Variants in CNOT2 observed in about 807,000 individuals in gnomAD.
CNOT2 encodes CCR4-NOT transcription complex subunit 2.
CNOT2 carries 7 observed loss-of-function variants against 72.1 expected under a neutral mutation model. That is an observed-to-expected ratio of 0.10 (90% CI 0.06 to 0.18). The LOEUF (loss-of-function observed/expected upper bound fraction) is 0.18. Ranked by LOEUF, CNOT2 falls within the 10% of genes least tolerant of loss-of-function variation. The pLI is 1.00. For missense variants in CNOT2, 345 were observed against 660.3 expected (o/e 0.52, Z 5.23); for synonymous variants, 196 against 225.6 (o/e 0.87, Z 1.17).
intron 15 of CNOT2, among the ~76,000 whole-genome samples, chr12:70,353,355 G>A (rs531825377): frequency 2.5e-4 from 38 of 152,162 alleles, no homozygotes; most frequent in African/African-American, 8.7e-4. Flanking sequence ...GATTACAGAC[G>A]TGAGCCACTG....
intron 1 of CNOT2, among the ~76,000 whole-genome samples, chr12:70,262,043 G>A (rs1958795936): frequency 6.6e-6 from 1 of 151,894 alleles, no homozygotes; most frequent in Non-Finnish European, 1.5e-5. Context: ...ACCCTACAAA[G>A]TTGTAGTAAT....
At chr12:70,275,181 A>C (rs1385533423) in intron 1 of CNOT2, among the ~76,000 whole-genome samples, 1 of 152,080 alleles carries the variant, frequency 6.6e-6, no homozygotes, top group Admixed American at 6.6e-5. Flanking sequence ...TACTTTAAAT[A>C]TATTGAACCA....
At chr12:70,304,373 G>C (rs937333287) in intron 2 of CNOT2, among the ~76,000 whole-genome samples, 4 of 152,080 alleles carry the variant, frequency 2.6e-5, no homozygotes, top group Admixed American at 2.0e-4. Flanking sequence ...CGTACAGGTG[G>C]GTTTTTGGTG....
chr12:70,337,761 G>A, intron 9 of CNOT2: 1 of 523,344 alleles, frequency 1.9e-6, no homozygotes, highest in African/African-American at 1.9e-5. Flanking sequence ...TGTAGTCCCT[G>A]TCAGCTGGAT....
chr12:70,300,860 T>C (rs1002091851), intron 2 of CNOT2, among the ~76,000 whole-genome samples: 1 of 152,212 alleles, frequency 6.6e-6, no homozygotes, highest in Non-Finnish European at 1.5e-5. Context: ...GAGCATGGAA[T>C]GTTCTTCCAT....
intron 1 of CNOT2, among the ~76,000 whole-genome samples, chr12:70,253,656 T>G (rs1026174345): frequency 6.6e-5 from 10 of 152,216 alleles, no homozygotes; most frequent in Non-Finnish European, 1.3e-4. Flanking sequence ...TTTGATAATT[T>G]ATACCTCCCA....
chr12:70,338,373 T>A, intron 9 of CNOT2, 70 bp from the exon 10 acceptor site: 1 of 1,259,368 alleles, frequency 7.9e-7, no homozygotes, highest in Non-Finnish European at 1.1e-6. Context: ...AATAGCAAGG[T>A]ATTAATATGT....
At chr12:70,253,996 T>C (rs775600436) in intron 1 of CNOT2, among the ~76,000 whole-genome samples, 1 of 152,106 alleles carries the variant, frequency 6.6e-6, no homozygotes, top group Non-Finnish European at 1.5e-5. Flanking sequence ...CCCAACACTT[T>C]GGGAGACCAA....
At chr12:70,308,093 A>G (rs1875758933) in intron 2 of CNOT2, among the ~76,000 whole-genome samples, 1 of 152,084 alleles carries the variant, frequency 6.6e-6, no homozygotes, top group African/African-American at 2.4e-5. Context: ...GAGCCATACC[A>G]GTGAGGGGTT....
Position 70,315,520 on chromosome 12 carries a change from G to A in CNOT2, c.172-3778G>A, listed in dbSNP as rs1877185200. Among the ~76,000 whole-genome samples the A allele has an allele frequency of 2.6e-5, 4 of 151,914 alleles. No homozygotes were observed. In the South Asian group the frequency reaches 8.3e-4, roughly 32 times the overall value. ...AATATCATTTTTTAATTGCTGTCAT[G>A]GTCATGGAATTTTTATTTAACAAAA... On this transcript the variant is annotated intron_variant, in intron 3 of 15. Transcript: ENST00000229195.
At chr12:70,347,336 A>T (rs182688299) in intron 15 of CNOT2, among the ~76,000 whole-genome samples, 16 of 152,250 alleles carry the variant, frequency 1.1e-4, no homozygotes, top group African/African-American at 3.9e-4. Flanking sequence ...CCAAGATTTC[A>T]TATAAAACTC....
intron 2 of CNOT2, among the ~76,000 whole-genome samples, chr12:70,293,870 C>G (rs371678568): frequency 7.9e-6 from 1 of 127,252 alleles, no homozygotes. Flanking sequence ...TAAGCTCTGT[C>G]TTTGCATTTT....
chr12:70,277,981 C>T lies in CNOT2; in HGVS notation c.-95-151C>T, dbSNP rs74767160. Among the ~76,000 whole-genome samples the T allele has an allele frequency of 3.7e-3, 560 of 152,284 alleles. 5 individuals are homozygous for T. Among genetic ancestry groups the T allele is most frequent in the African/African-American group, 0.012 (512 of 41,556 alleles). On this transcript the variant is annotated intron_variant, in intron 1 of 15. Coordinates refer to ENST00000229195, the MANE Select transcript of CNOT2 (RefSeq NM_014515.7). ...TCTGTTGCAAATAAAGTATGCCAGT[C>T]TAGCCCGCGAAAATGGTTACGAGGA... is the stretch of plus-strand genomic sequence containing the variant.
chr12:70,341,429 G>C (rs1881494902), intron 11 of CNOT2, among the ~76,000 whole-genome samples: 2 of 152,046 alleles, frequency 1.3e-5, no homozygotes, highest in African/African-American at 2.4e-5. Context: ...CTTCAGATCT[G>C]ACCACCTTAA....
rs1242142273 is a variant in CNOT2 at position 70,279,958 on chromosome 12, TG to T, written c.48+1685del. On this transcript the variant is annotated intron_variant, in intron 2 of 15. Transcript: ENST00000229195. ...AATGCATTTTTGGTTATGGGTTTGC[TG>T]CCTCAAAATGTTTTCCCTTTTCTCT... 5.3e-5 allele frequency among the ~76,000 whole-genome samples: 8 copies of T among 152,194 alleles called. 1 individual carries two copies. The highest frequency in any genetic ancestry group is 1.2e-4 in the Non-Finnish European group (8 of 68,010).
At chr12:70,297,663 G>T in intron 2 of CNOT2, 2 of 242,736 alleles carry the variant, frequency 8.2e-6, no homozygotes, top group Non-Finnish European at 1.7e-5. Flanking sequence ...AGTTCTTTGG[G>T]AACATGGAAA....
At chr12:70,330,628 T>C in intron 6 of CNOT2, 159 bp downstream of exon 6, 1 of 452,276 alleles carries the variant, frequency 2.2e-6, no homozygotes, top group Non-Finnish European at 3.9e-6. Context: ...CACAAAACGA[T>C]ACGTTTTCTT....
chr12:70,250,254 C>T (rs1192731105), intron 1 of CNOT2, among the ~76,000 whole-genome samples: 5 of 152,154 alleles, frequency 3.3e-5, no homozygotes, highest in Non-Finnish European at 7.4e-5. Flanking sequence ...ACCAAAGTCA[C>T]TTCCAACAGT....
chr12:70,256,257 A>T (rs1958432639), intron 1 of CNOT2, among the ~76,000 whole-genome samples: 1 of 152,262 alleles, frequency 6.6e-6, no homozygotes, highest in Non-Finnish European at 1.5e-5. Flanking sequence ...TACTATTTCA[A>T]AATAGTTTCA....
Sources: allele counts gnomAD v4.1 joint callset (sites outside exome capture counted in the v4.1 genomes callset), GRCh38; gene constraint gnomAD v4.1.1; transcripts MANE v1.5; gene names NCBI Gene and HGNC (gene_info 2026-07-23, HGNC 2026-07-21).